TTC19: variants seen among roughly 807,000 people sequenced by gnomAD.
The protein encoded by TTC19 is tetratricopeptide repeat protein 19, mitochondrial.
In TTC19, 38 loss-of-function variants were observed where a neutral mutation model predicts 49.5. That is an observed-to-expected ratio of 0.77 (90% CI 0.59 to 1.01). The LOEUF (loss-of-function observed/expected upper bound fraction) is 1.01. TTC19 is among the 50% of genes least tolerant of loss of function. The pLI, the probability that TTC19 is intolerant of heterozygous loss-of-function variation, is 0.00. For synonymous variants in TTC19, 204 were observed against 185.2 expected, an observed-to-expected ratio of 1.10 and a Z score of -0.83; for missense variants, 475 against 477.7, an observed-to-expected ratio of 0.99 and a Z score of 0.05.
chr17:16,022,248 G>A (rs1416818522), intron 7 of TTC19, among the ~76,000 whole-genome samples: 1 of 152,134 alleles, frequency 6.6e-6, no homozygotes, highest in Non-Finnish European at 1.5e-5. Context: ...CTCCACTTTG[G>A]GTTTTAGCTT....
chr17:16,041,796 G>A (rs1022159848), intron 2 of TTC19, among the ~76,000 whole-genome samples: 10 of 151,732 alleles, frequency 6.6e-5, no homozygotes, highest in East Asian at 1.9e-4. Context: ...GAGTGCAGCG[G>A]TGCGATCTTG....
At chr17:16,036,901 T>C (rs1448622835) in intron 2 of TTC19, among the ~76,000 whole-genome samples, 3 of 152,236 alleles carry the variant, frequency 2.0e-5, no homozygotes, top group African/African-American at 7.2e-5. Context: ...TTCAAAAACT[T>C]TTCCTTTGCA....
At chr17:16,038,657 C>T (rs1037498264) in intron 2 of TTC19, among the ~76,000 whole-genome samples, 3 of 152,104 alleles carry the variant, frequency 2.0e-5, no homozygotes, top group Non-Finnish European at 4.4e-5. Context: ...AGGCTGGTCT[C>T]AAACTCCTGA....
chr17:16,010,786 T>C (rs776618637), intron 7 of TTC19, among the ~76,000 whole-genome samples: 1 of 152,238 alleles, frequency 6.6e-6, no homozygotes, highest in Non-Finnish European at 1.5e-5. Flanking sequence ...TTTTCAACTC[T>C]TAACCAGTTT....
downstream of TTC19, among the ~76,000 whole-genome samples, chr17:16,033,581 CATATTT>C (rs1972987943): frequency 1.3e-5 from 2 of 152,038 alleles, no homozygotes; most frequent in South Asian, 4.1e-4. Context: ...TTTTCAGTGA[CATATTT>C]GTATTTAATC....
At chr17:16,040,162 C>G (rs866052473) in intron 2 of TTC19, 12 of 556,030 alleles carry the variant, frequency 2.2e-5, no homozygotes, top group African/African-American at 2.0e-4. Context: ...ACCCACACTT[C>G]TATTAAAGTT....
intron 3 of TTC19, 75 bp downstream of exon 3, chr17:16,002,100 T>G: frequency 2.0e-6 from 2 of 982,076 alleles, no homozygotes; most frequent in Non-Finnish European, 3.2e-6. Flanking sequence ...TTCTTCTGAT[T>G]TATATTCCTG....
chr17:16,044,348 G>T (rs1372050840), intron 2 of TTC19: 24 of 465,078 alleles, frequency 5.2e-5, no homozygotes, highest in East Asian at 2.8e-4. Flanking sequence ...TTTCCTTGGT[G>T]TTCAACATTT....
intron 7 of TTC19, among the ~76,000 whole-genome samples, chr17:16,007,456 T>C (rs1025877903): frequency 6.6e-6 from 1 of 152,106 alleles, no homozygotes; most frequent in African/African-American, 2.4e-5. Flanking sequence ...TGTTTTTTGT[T>C]TTTTGTTTTC....
chr17:16,011,792 T>G (rs1971077862), intron 7 of TTC19, among the ~76,000 whole-genome samples: 1 of 152,244 alleles, frequency 6.6e-6, no homozygotes, highest in Admixed American at 6.5e-5. Context: ...AGTGTGGGAT[T>G]AAGAGTAACA....
rs777668456 is a variant in TTC19, at chr17:16,027,233, G to T, written c.995-141G>T. On this transcript the variant is annotated intron_variant, in intron 9 of 9. Transcript: ENST00000261647. Reference sequence around the variant, plus strand: ...GTGGAGTTCCAGCCTGTCAGATGGGGATGAAATGAGGCAGCACCAGCTTGT... The same window carrying T: ...GTGGAGTTCCAGCCTGTCAGATGGGTATGAAATGAGGCAGCACCAGCTTGT... 6 of 946,676 alleles carry T rather than the reference G, an allele frequency of 6.3e-6. No individual in the cohort carries two copies. In the African/African-American group the frequency reaches 9.8e-5, roughly 15 times the overall value. 58.6% of individuals were successfully genotyped at this position (946,676 alleles called of 1,614,324 possible).
chr17:16,019,248 G>A (rs1971300042), intron 7 of TTC19, among the ~76,000 whole-genome samples: 1 of 152,118 alleles, frequency 6.6e-6, no homozygotes, highest in South Asian at 2.1e-4. Flanking sequence ...CAGGAGAATC[G>A]CTTCAACCTG....
chr17:16,033,823 T>G (rs1973171962), downstream of TTC19, among the ~76,000 whole-genome samples: 1 of 152,136 alleles, frequency 6.6e-6, no homozygotes, highest in East Asian at 1.9e-4. Context: ...TTGTTTTTGT[T>G]AAGATGGAGT....
chr17:16,005,981 TA>T (rs1372808465), intron 6 of TTC19, among the ~76,000 whole-genome samples: 5 of 152,162 alleles, frequency 3.3e-5, no homozygotes, highest in Non-Finnish European at 7.4e-5. Context: ...ATGGATGACT[TA>T]AAAAAACTGC....
intron 4 of TTC19, 126 bp from the exon 5 acceptor site, chr17:16,003,705 C>T (rs1970810752): frequency 4.9e-6 from 4 of 821,090 alleles, no homozygotes; most frequent in South Asian, 1.5e-5. Context: ...TGTGAGTGTG[C>T]GTGTGTGTGG....
In TTC19 at chr17:16,028,617, T is replaced by C. The variant is rs1971673735; in HGVS notation, c.*1095T>C. On this transcript the variant is annotated 3_prime_UTR_variant, in exon 10 of 10. Coordinates refer to ENST00000261647, the MANE Select transcript of TTC19 (RefSeq NM_017775.4). ...ACTGCAGCAGTCATGAATACATTTT[T>C]AGCCATTTACCTAAGGAAAAAGACA... is the stretch of plus-strand genomic sequence containing the variant. 1 of 453,822 alleles carries C rather than the reference T, an allele frequency of 2.2e-6. No individual in the cohort carries two copies. Among genetic ancestry groups the C allele is most frequent in the Admixed American group, 2.4e-5 (1 of 42,530 alleles). 28.1% of individuals were successfully genotyped at this position (453,822 alleles called of 1,614,324 possible). A position where few individuals can be genotyped will look rare whatever the true frequency, so the allele number is the denominator to read the frequency against.
At chr17:16,021,912 G>A (rs929176127) in intron 7 of TTC19, among the ~76,000 whole-genome samples, 19 of 152,168 alleles carry the variant, frequency 1.2e-4, no homozygotes, top group African/African-American at 3.6e-4. Flanking sequence ...GCTCCTGGCC[G>A]AAGTGGATGC....
intron 7 of TTC19, among the ~76,000 whole-genome samples, chr17:16,017,094 G>A (rs979833771): frequency 6.6e-6 from 1 of 152,160 alleles, no homozygotes; most frequent in Non-Finnish European, 1.5e-5. Flanking sequence ...CCTTCATCAG[G>A]AAAATGATTC....
intron 3 of TTC19, chr17:16,002,541 A>G (rs895400016): frequency 1.9e-6 from 1 of 524,128 alleles, no homozygotes; most frequent in Admixed American, 3.2e-5. Context: ...AAAAAAAACC[A>G]GTATCATTAG....
Sources: gnomAD v4.1 joint callset for allele counts (sites outside exome capture counted in the v4.1 genomes callset) on GRCh38, gnomAD v4.1.1 for gene constraint, MANE v1.5 for transcripts, NCBI Gene and HGNC (gene_info 2026-07-23, HGNC 2026-07-21) for gene names.